Variants in UHRF2 observed in about 807,000 individuals in gnomAD.
UHRF2 encodes ubiquitin like with PHD and ring finger domains 2.
In UHRF2, 23 loss-of-function variants were observed where a neutral mutation model predicts 96.8. The ratio of observed to expected loss-of-function variants is 0.24; its 90% CI spans 0.17 to 0.34. The LOEUF (loss-of-function observed/expected upper bound fraction) is 0.34, where lower values mean the gene tolerates loss of function less well. Among genes scored for constraint, UHRF2 ranks in the 10% least tolerant of loss-of-function variants. UHRF2 has a pLI of 1.00. For synonymous variants in UHRF2, 385 were observed against 332.6 expected (o/e 1.16, Z -1.72); for missense variants, 685 against 981.5 (o/e 0.70, Z 4.04).
intron 2 of UHRF2, among the ~76,000 whole-genome samples, chr9:6,429,180 A>C (rs1820437284): frequency 6.6e-6 from 1 of 151,800 alleles, no homozygotes; most frequent in African/African-American, 2.4e-5. Flanking sequence ...AAAAAAAAAA[A>C]GGAAGATGGT....
At chr9:6,424,490 TTTTA>T (rs1382373207) in intron 2 of UHRF2, among the ~76,000 whole-genome samples, 1 of 152,242 alleles carries the variant, frequency 6.6e-6, no homozygotes, top group Non-Finnish European at 1.5e-5. Flanking sequence ...ATTATTACTT[TTTTA>T]TTTGTGTTAC....
At chr9:6,466,570 A>G (rs1352662190) in intron 4 of UHRF2, among the ~76,000 whole-genome samples, 2 of 149,896 alleles carry the variant, frequency 1.3e-5, no homozygotes, top group Admixed American at 6.6e-5. Flanking sequence ...AAAAAAAAAA[A>G]AAGCTACAGA....
intron 2 of UHRF2, among the ~76,000 whole-genome samples, chr9:6,429,259 G>A (rs10975587): frequency 0.23 from 34,994 of 152,004 alleles, 4,554 homozygotes; most frequent in East Asian, 0.51. Flanking sequence ...TTTTTTACCT[G>A]TGTATCTCTT....
intron 5 of UHRF2, among the ~76,000 whole-genome samples, chr9:6,475,893 T>C (rs7872349): frequency 0.14 from 21,212 of 152,162 alleles, 3,583 homozygotes; most frequent in African/African-American, 0.41. Flanking sequence ...GGGAACATTC[T>C]AAATCTATTC....
chr9:6,478,344 T>C (rs1823714000), intron 6 of UHRF2, among the ~76,000 whole-genome samples: 1 of 152,242 alleles, frequency 6.6e-6, no homozygotes, highest in South Asian at 2.1e-4. Flanking sequence ...TGGCTTCCTC[T>C]GGTAATCCTT....
chr9:6,498,294 A>G, intron 12 of UHRF2, 136 bp downstream of exon 12: 1 of 936,088 alleles, frequency 1.1e-6, no homozygotes, highest in African/African-American at 1.7e-5. Flanking sequence ...GATCATGCAA[A>G]TAGACAGAGG....
intron 2 of UHRF2, among the ~76,000 whole-genome samples, chr9:6,422,382 CTG>C (rs987249554): frequency 2.6e-5 from 4 of 151,646 alleles, no homozygotes; most frequent in African/African-American, 9.7e-5. Context: ...GCCTTATAGA[CTG>C]TTTTGATCTC....
intron 4 of UHRF2, among the ~76,000 whole-genome samples, chr9:6,471,478 G>A (rs190925256): frequency 1.3e-5 from 2 of 152,228 alleles, no homozygotes; most frequent in African/African-American, 4.8e-5. Context: ...AAGTGATGCT[G>A]TACCACTTCA....
chr9:6,451,602 C>T lies in UHRF2; in HGVS notation c.645-8971C>T, dbSNP rs1210722975. ...ACACCATTCTCCTGCCTCAGCCTCC[C>T]GAGTAGTAGCTGGGACTACAGGCGC... On this transcript the variant is annotated intron_variant, in intron 3 of 15. Transcript: ENST00000276893. Among the ~76,000 whole-genome samples the T allele has an allele frequency of 2.6e-5, 4 of 151,836 alleles. No individual in the cohort carries two copies. In the South Asian group the frequency reaches 6.2e-4, roughly 24 times the overall value.
chr9:6,468,418 G>A (rs752586598), intron 4 of UHRF2: 2 of 455,948 alleles, frequency 4.4e-6, no homozygotes, highest in African/African-American at 4.0e-5. Flanking sequence ...CGATCAAATA[G>A]TCATCTCTTT....
intron 2 of UHRF2, among the ~76,000 whole-genome samples, chr9:6,426,694 T>A (rs1372425880): frequency 2.0e-5 from 3 of 152,200 alleles, no homozygotes. Flanking sequence ...ACTGACTTGT[T>A]GACTAAACTG....
chr9:6,459,953 G>A (rs148748544), intron 3 of UHRF2, among the ~76,000 whole-genome samples: 2 of 152,326 alleles, frequency 1.3e-5, no homozygotes, highest in East Asian at 3.9e-4. Flanking sequence ...AGCCTAGGTG[G>A]CAGAGTGAGA....
chr9:6,434,243 G>C, intron 3 of UHRF2, 70 bp downstream of exon 3: 6 of 1,488,232 alleles, frequency 4.0e-6, no homozygotes, highest in Non-Finnish European at 5.4e-6. Flanking sequence ...TCTATTTCAA[G>C]ATTATTTTAA....
At chr9:6,443,087 G>T (rs1175489406) in intron 3 of UHRF2, among the ~76,000 whole-genome samples, 1 of 152,168 alleles carries the variant, frequency 6.6e-6, no homozygotes, top group East Asian at 1.9e-4. Flanking sequence ...GAACAAGGAA[G>T]TGTCTATGTA....
At chr9:6,457,697 T>C (rs1171181363) in intron 3 of UHRF2, among the ~76,000 whole-genome samples, 1 of 152,216 alleles carries the variant, frequency 6.6e-6, no homozygotes, top group Non-Finnish European at 1.5e-5. Context: ...ACCTAGTTTA[T>C]TGAGAGTTTT....
At chr9:6,428,533 C>CTTTTTTTTTTTTTTTTTATTTTTTT (rs1820384004) in intron 2 of UHRF2, among the ~76,000 whole-genome samples, 1 of 65,358 alleles carries the variant, frequency 1.5e-5, no homozygotes. Context: ...ATTGCTTTTG[C>CTTTTTTTTTTTTTTTTTATTTTTTT]TTTTTTTTTT....
At chr9:6,471,412 T>A (rs1366026077) in intron 4 of UHRF2, among the ~76,000 whole-genome samples, 1 of 152,250 alleles carries the variant, frequency 6.6e-6, no homozygotes, top group Non-Finnish European at 1.5e-5. Context: ...CACCCTCATG[T>A]GGTTTTCAGC....
At chr9:6,469,252 G>A (rs2130872376) in intron 4 of UHRF2, among the ~76,000 whole-genome samples, 1 of 152,278 alleles carries the variant, frequency 6.6e-6, no homozygotes, top group East Asian at 1.9e-4. Flanking sequence ...AGGCACCATG[G>A]CACACGCCTA....
At chr9:6,491,656 A>G (rs940282456) in intron 9 of UHRF2, among the ~76,000 whole-genome samples, 3 of 152,224 alleles carry the variant, frequency 2.0e-5, no homozygotes, top group African/African-American at 7.2e-5. Flanking sequence ...GTGAGCATCC[A>G]GCTTGTTGTC....
Sources: allele counts gnomAD v4.1 joint callset (sites outside exome capture counted in the v4.1 genomes callset), GRCh38; gene constraint gnomAD v4.1.1; transcripts MANE v1.5; gene names NCBI Gene and HGNC (gene_info 2026-07-23, HGNC 2026-07-21).